The following PTPRG variants were observed in gnomAD, a reference collection of about 807,000 sequenced individuals.
The protein encoded by PTPRG is protein tyrosine phosphatase receptor type G.
PTPRG carries 102 observed loss-of-function variants against 165.3 expected under a neutral mutation model. The observed-to-expected ratio is 0.62, with a 90% CI of 0.53 to 0.73. The LOEUF is 0.73. Among genes scored for constraint, PTPRG ranks in the 30% least tolerant of loss-of-function variants. PTPRG has a pLI of 0.00. For missense variants in PTPRG, 1,866 were observed against 1,861.4 expected, an observed-to-expected ratio of 1.00 and a Z score of -0.05; for synonymous variants, 675 against 669.5, an observed-to-expected ratio of 1.01 and a Z score of -0.13.
chr3:61,621,047 A>ATGTGTGTGTGTG lies in PTPRG; in HGVS notation c.85+58676_85+58677insGTGTGTGTGTGT, dbSNP rs201651526. Among the ~76,000 whole-genome samples the ATGTGTGTGTGTG allele has an allele frequency of 2.5e-4, 24 of 97,232 alleles. 1 individual carries two copies. The highest frequency in any genetic ancestry group is 7.8e-4 in the Admixed American group (7 of 8,946). 63.8% of individuals were successfully genotyped at this position (97,232 alleles called of 152,430 possible). A position where few individuals can be genotyped will look rare whatever the true frequency, so the allele number is the denominator to read the frequency against. On this transcript the variant is annotated intron_variant, in intron 1 of 29. Coordinates refer to ENST00000474889, the MANE Select transcript of PTPRG (RefSeq NM_002841.4). ...AGTGTGTGTGTGTATATATATATAT[A>ATGTGTGTGTGTG]TATATGTGTGTGTGTGTGTGTGTGT... is the stretch of plus-strand genomic sequence containing the variant.
chr3:62,001,942 C>T (rs1480594884), intron 3 of PTPRG, among the ~76,000 whole-genome samples: 1 of 152,186 alleles, frequency 6.6e-6, no homozygotes, highest in Non-Finnish European at 1.5e-5. Context: ...TTTACGACCC[C>T]TGTTCTAAAA....
At chr3:62,073,427 T>C (rs975496855) in intron 4 of PTPRG, among the ~76,000 whole-genome samples, 10 of 152,202 alleles carry the variant, frequency 6.6e-5, no homozygotes, top group Admixed American at 6.5e-4. Context: ...ATACCTCCAA[T>C]AGCGGGATAA....
At chr3:62,043,099 C>A (rs987211904) in intron 4 of PTPRG, among the ~76,000 whole-genome samples, 2 of 152,136 alleles carry the variant, frequency 1.3e-5, no homozygotes, top group Non-Finnish European at 2.9e-5. Flanking sequence ...TTAAAATTTT[C>A]ATTTTTAACA....
intron 28 of PTPRG, among the ~76,000 whole-genome samples, chr3:62,285,504 T>TG (rs1244386068): frequency 3.4e-5 from 1 of 29,386 alleles, no homozygotes. Context: ...CACCTACTTT[T>TG]GGGGGTGGCA....
intron 2 of PTPRG, among the ~76,000 whole-genome samples, chr3:61,940,635 G>C (rs2039597599): frequency 6.6e-6 from 1 of 151,454 alleles, no homozygotes; most frequent in Non-Finnish European, 1.5e-5. Context: ...GATTTCTATG[G>C]ATTCAGTAGA....
Position 61,871,148 on chromosome 3 carries a change from GTGTTGTGTTGTGTTGTGTTA to G in PTPRG, c.191-118472_191-118453del, listed in dbSNP as rs2037563583. Among the ~76,000 whole-genome samples, 3 of 121,944 alleles carry G rather than the reference GTGTTGTGTTGTGTTGTGTTA, an allele frequency of 2.5e-5. No individual in the cohort carries two copies. The South Asian group carries it at 8.4e-4, about 34-fold the overall frequency. 80.0% of individuals were successfully genotyped at this position (121,944 alleles called of 152,430 possible). ...ATGTTATGTTGTGTTGTGTTGTGTT[GTGTTGTGTTGTGTTGTGTTA>G]TGTTATGTTATGTTATGTTATGTTA... On this transcript the variant is annotated intron_variant, in intron 2 of 29. Coordinates refer to ENST00000474889, the MANE Select transcript of PTPRG (RefSeq NM_002841.4).
At chr3:62,223,599 T>A (rs1700696560) in intron 13 of PTPRG, among the ~76,000 whole-genome samples, 1 of 152,174 alleles carries the variant, frequency 6.6e-6, no homozygotes, top group Admixed American at 6.5e-5. Context: ...TTTCCTCATC[T>A]GCAAAATATA....
chr3:62,024,963 G>C (rs1295266425), intron 4 of PTPRG, among the ~76,000 whole-genome samples: 1 of 152,140 alleles, frequency 6.6e-6, no homozygotes, highest in African/African-American at 2.4e-5. Context: ...TGCCTCTGTT[G>C]TGTCGACCTA....
At chr3:61,564,089 G>A (rs1056157596) in intron 1 of PTPRG, among the ~76,000 whole-genome samples, 2 of 152,192 alleles carry the variant, frequency 1.3e-5, no homozygotes, top group African/African-American at 2.4e-5. Context: ...TGCCTCTACG[G>A]CCTCTACGGT....
intron 4 of PTPRG, among the ~76,000 whole-genome samples, chr3:62,010,439 C>T (rs1288692684): frequency 2.7e-5 from 4 of 149,934 alleles, no homozygotes; most frequent in Non-Finnish European, 5.9e-5. Flanking sequence ...TAAGTTTATA[C>T]TTTTCTCCTC....
chr3:61,700,848 T>G (rs528457942), intron 1 of PTPRG, among the ~76,000 whole-genome samples: 1 of 152,342 alleles, frequency 6.6e-6, no homozygotes, highest in Admixed American at 6.5e-5. Context: ...GTTACTTTTA[T>G]ACTACACAGG....
At chr3:61,851,225 A>G (rs2107365594) in intron 2 of PTPRG, among the ~76,000 whole-genome samples, 1 of 152,316 alleles carries the variant, frequency 6.6e-6, no homozygotes, top group East Asian at 1.9e-4. Context: ...GGAAATCTCT[A>G]GCTGAGCTGA....
At chr3:61,782,519 T>G (rs2034575278) in intron 2 of PTPRG, among the ~76,000 whole-genome samples, 2 of 152,202 alleles carry the variant, frequency 1.3e-5, no homozygotes, top group South Asian at 4.1e-4. Context: ...AATCTTTGAT[T>G]TTAAAATGTC....
intron 5 of PTPRG, chr3:62,124,342 A>T: frequency 6.2e-7 from 1 of 1,612,678 alleles, no homozygotes; most frequent in Non-Finnish European, 8.5e-7. Context: ...GTCTCTGGTG[A>T]TGCAGGCTGA....
At chr3:61,938,815 A>G (rs184091202) in intron 2 of PTPRG, among the ~76,000 whole-genome samples, 6 of 152,372 alleles carry the variant, frequency 3.9e-5, no homozygotes, top group Admixed American at 2.6e-4. Context: ...GGAATGAGAA[A>G]AAAGTAATAG....
At chr3:61,608,414 G>T (rs1701072998) in intron 1 of PTPRG, among the ~76,000 whole-genome samples, 1 of 152,190 alleles carries the variant, frequency 6.6e-6, no homozygotes, top group African/African-American at 2.4e-5. Flanking sequence ...GGAATTGGGA[G>T]GATGTGTGTG....
At position 62,277,065 on chromosome 3, in the gene PTPRG, A is replaced by C. The variant is rs542360467; in HGVS notation, c.3636+17A>C. 1 of 1,596,380 alleles carries C rather than the reference A, an allele frequency of 6.3e-7. No individual in the cohort carries two copies. Among genetic ancestry groups the C allele is most frequent in the South Asian group, 1.1e-5 (1 of 90,178 alleles). On this transcript the variant is annotated intron_variant, in intron 25 of 29. Transcript: ENST00000474889. ...TATATCATGGTGAGAGTCAACAGTT[A>C]ATTATAAATAAAGTCAACTAAACTG...
chr3:61,946,073 G>C (rs901120119), intron 2 of PTPRG, among the ~76,000 whole-genome samples: 1 of 151,830 alleles, frequency 6.6e-6, no homozygotes, highest in Non-Finnish European at 1.5e-5. Context: ...TTGACTTATT[G>C]ATACAGTTAC....
At position 61,953,376 on chromosome 3, in the gene PTPRG, A is replaced by T. The variant is rs546910890; in HGVS notation, c.191-36249A>T. Among the ~76,000 whole-genome samples, 6 of 152,340 alleles carry T rather than the reference A, an allele frequency of 3.9e-5. No homozygotes were observed. In the East Asian group the frequency reaches 1.2e-3, roughly 29 times the overall value. ...CAGGCAAAAGGAATGGTTAGAAAAA[A>T]GGAATTGCTGGTCAATTTCGCCATT... On this transcript the variant is annotated intron_variant, in intron 2 of 29. Coordinates refer to ENST00000474889, the MANE Select transcript of PTPRG (RefSeq NM_002841.4).
Sources: gnomAD v4.1 joint callset for allele counts (sites outside exome capture counted in the v4.1 genomes callset) on GRCh38, gnomAD v4.1.1 for gene constraint, MANE v1.5 for transcripts, NCBI Gene and HGNC (gene_info 2026-07-23, HGNC 2026-07-21) for gene names.